DYM: variants seen among roughly 807,000 people sequenced by gnomAD.
DYM encodes the protein dymeclin.
In DYM, 78 loss-of-function variants were observed where a neutral mutation model predicts 93.1. The ratio of observed to expected loss-of-function variants is 0.84; its 90% CI spans 0.70 to 1.01. The LOEUF (loss-of-function observed/expected upper bound fraction) is 1.01, where lower values mean the gene tolerates loss of function less well. DYM is among the 50% of genes least tolerant of loss of function. The pLI is 0.00. For missense variants in DYM, 789 were observed against 845.0 expected, an observed-to-expected ratio of 0.93 and a Z score of 0.82; for synonymous variants, 321 against 319.7, an observed-to-expected ratio of 1.00 and a Z score of -0.04.
chr18:49,109,359 A>C (rs1016801193), intron 16 of DYM, among the ~76,000 whole-genome samples: 4 of 151,850 alleles, frequency 2.6e-5, no homozygotes, highest in Non-Finnish European at 4.4e-5. Flanking sequence ...TTTTATCTTC[A>C]TCTTTTACTT....
rs1344044030 is a variant in DYM at position 49,234,866 on chromosome 18, G to T, written c.1460+22144C>A. Among the ~76,000 whole-genome samples the T allele has an allele frequency of 2.0e-5, 3 of 152,220 alleles. No individual in the cohort carries two copies. In the East Asian group the frequency reaches 5.8e-4, roughly 29 times the overall value. On this transcript the variant is annotated intron_variant, in intron 13 of 17. Transcript: ENST00000675505. ...CAGAAGTCAGAGGGATTTCAAGCATGAGAAGCATCATTTGATGTGCCAGTT... is the reference window on the plus strand; with the variant it reads ...CAGAAGTCAGAGGGATTTCAAGCATTAGAAGCATCATTTGATGTGCCAGTT...
intron 14 of DYM, among the ~76,000 whole-genome samples, chr18:49,202,806 C>T (rs2092136996): frequency 1.9e-5 from 1 of 53,358 alleles, no homozygotes. Flanking sequence ...GCAGCTGCCC[C>T]GTCTGAGAAG....
In DYM at chr18:49,036,971, T is replaced by C. The variant is rs1599272481; in HGVS notation, c.*7084A>G. On this transcript the variant is annotated 3_prime_UTR_variant, in exon 18 of 18. Coordinates refer to ENST00000675505, the MANE Select transcript of DYM (RefSeq NM_001353214.3). ...GGCTGGAGTGCAGTGGCACAATCTC[T>C]GCCCACTGAACCCTCCACCTCCCAG... Among the ~76,000 whole-genome samples the C allele has an allele frequency of 6.6e-6, 1 of 152,038 alleles. No homozygotes were observed. The highest frequency in any genetic ancestry group is 1.9e-4 in the East Asian group (1 of 5,182).
intron 13 of DYM, among the ~76,000 whole-genome samples, chr18:49,219,110 A>G (rs1311068200): frequency 2.0e-5 from 3 of 152,240 alleles, no homozygotes; most frequent in Admixed American, 6.5e-5. Context: ...AACTACCATC[A>G]GAGAATACTA....
intron 14 of DYM, among the ~76,000 whole-genome samples, chr18:49,185,644 G>C (rs1280072954): frequency 6.6e-6 from 1 of 152,186 alleles, no homozygotes; most frequent in Non-Finnish European, 1.5e-5. Flanking sequence ...TGTTATTGTA[G>C]TAATAGTAGA....
intron 2 of DYM, among the ~76,000 whole-genome samples, chr18:49,397,216 AATG>A (rs997295157): frequency 3.4e-4 from 51 of 152,226 alleles, no homozygotes; most frequent in African/African-American, 1.2e-3. Flanking sequence ...ACTTTTTAAA[AATG>A]ATAACTATTA....
intron 16 of DYM, among the ~76,000 whole-genome samples, chr18:49,117,373 T>G (rs1189091158): frequency 6.6e-6 from 1 of 152,206 alleles, no homozygotes; most frequent in African/African-American, 2.4e-5. Context: ...TGAATGGATT[T>G]GCAACAGTAT....
At chr18:49,299,960 A>C (rs542964420) in intron 8 of DYM, among the ~76,000 whole-genome samples, 1 of 150,344 alleles carries the variant, frequency 6.7e-6, no homozygotes, top group South Asian at 2.1e-4. Context: ...GGAGAATGGC[A>C]TAAACCCGGG....
At chr18:49,258,781 GACACACACACACACAC>G (rs61429427) in intron 11 of DYM, among the ~76,000 whole-genome samples, 18 of 112,366 alleles carry the variant, frequency 1.6e-4, no homozygotes, top group African/African-American at 3.5e-4. Context: ...AGGGATCATA[GACACACACACACACAC>G]ACACACACAC....
intron 10 of DYM, among the ~76,000 whole-genome samples, chr18:49,274,081 T>C (rs2094783768): frequency 6.6e-6 from 1 of 152,090 alleles, no homozygotes. Flanking sequence ...CTCAGAAATA[T>C]GTGTAACCAT....
chr18:49,227,970 A>G (rs982798240), intron 13 of DYM, among the ~76,000 whole-genome samples: 1 of 152,068 alleles, frequency 6.6e-6, no homozygotes, highest in Non-Finnish European at 1.5e-5. Context: ...CTACATGCAC[A>G]TTTTGGTGCT....
intron 15 of DYM, among the ~76,000 whole-genome samples, chr18:49,159,806 G>C (rs1015053965): frequency 1.3e-5 from 2 of 152,132 alleles, no homozygotes; most frequent in African/African-American, 4.8e-5. Flanking sequence ...GTTCCTTATG[G>C]TTGCAACTAG....
At chr18:49,277,871 G>C (rs1344943597) in intron 10 of DYM, among the ~76,000 whole-genome samples, 1 of 152,214 alleles carries the variant, frequency 6.6e-6, no homozygotes. Context: ...ATAGGTATTT[G>C]GCGGTTTAAA....
At chr18:49,299,688 A>G (rs551856891) in intron 8 of DYM, among the ~76,000 whole-genome samples, 1 of 152,286 alleles carries the variant, frequency 6.6e-6, no homozygotes, top group South Asian at 2.1e-4. Context: ...ATTAAATAGG[A>G]AAACAATGAG....
chr18:49,317,587 CT>C (rs2062047412), intron 8 of DYM, among the ~76,000 whole-genome samples: 15 of 12,446 alleles, frequency 1.2e-3, no homozygotes, highest in African/African-American at 7.6e-3. Context: ...CTCTCTCTCT[CT>C]CTCTCTCTCC....
At position 49,391,651 on chromosome 18, in the gene DYM, G is replaced by A. The variant is rs770680870; in HGVS notation, c.141-6C>T. On this transcript the variant is annotated splice_polypyrimidine_tract_variant and splice_region_variant and intron_variant, in intron 2 of 17. Coordinates refer to ENST00000675505, the MANE Select transcript of DYM (RefSeq NM_001353214.3). ...CCAAGAGTTTCAACTCACTACTGGA[G>A]AGACAGAAGAATAAAGGTAATTAAT... 6 of 1,611,470 alleles carry A rather than the reference G, an allele frequency of 3.7e-6. No individual in the cohort carries two copies. Among genetic ancestry groups the A allele is most frequent in the Admixed American group, 3.3e-5 (2 of 59,942 alleles).
rs553341439 is a variant in DYM at position 49,392,475 on chromosome 18, T to C, written c.141-830A>G. ...TGATAAGAGATTGATATCCAGAATA[T>C]ACTTTTAAAACTCCTACAACTCAAC... is the stretch of plus-strand genomic sequence containing the variant. On this transcript the variant is annotated intron_variant, in intron 2 of 17. Coordinates refer to ENST00000675505, the MANE Select transcript of DYM (RefSeq NM_001353214.3). 2.0e-5 allele frequency among the ~76,000 whole-genome samples: 3 copies of C among 152,030 alleles called. No homozygotes were observed. In the East Asian group the frequency reaches 5.8e-4, roughly 29 times the overall value.
chr18:49,450,765 T>G (rs1434321014), intron 1 of DYM, among the ~76,000 whole-genome samples: 1 of 152,268 alleles, frequency 6.6e-6, no homozygotes, highest in Admixed American at 6.5e-5. Context: ...TGTCTAAGTA[T>G]ATACTATCAA....
chr18:49,127,966 T>C (rs1032811132), intron 15 of DYM, among the ~76,000 whole-genome samples: 4 of 152,324 alleles, frequency 2.6e-5, no homozygotes, highest in Middle Eastern at 3.4e-3. Flanking sequence ...GGTCTTTTTC[T>C]ACACTCCTTG....
Sources: gnomAD v4.1 joint callset for allele counts (sites outside exome capture counted in the v4.1 genomes callset) on GRCh38, gnomAD v4.1.1 for gene constraint, MANE v1.5 for transcripts, NCBI Gene and HGNC (gene_info 2026-07-23, HGNC 2026-07-21) for gene names.